CEP76: variants seen among roughly 807,000 people sequenced by gnomAD.
CEP76 encodes the protein centrosomal protein of 76 kDa.
In CEP76, 55 loss-of-function variants were observed where a neutral mutation model predicts 83.3. The ratio of observed to expected loss-of-function variants is 0.66; its 90% CI spans 0.53 to 0.83. The LOEUF is 0.83. CEP76 is among the 40% of genes least tolerant of loss of function. CEP76 has a pLI of 0.00. For missense variants in CEP76, 694 were observed against 799.5 expected (o/e 0.87, Z 1.59); for synonymous variants, 270 against 274.5 (o/e 0.98, Z 0.16).
chr18:12,673,336 C>A lies in CEP76; in HGVS notation c.*29G>T. 1 of 1,571,308 alleles carries A rather than the reference C, an allele frequency of 6.4e-7. No individual in the cohort carries two copies. Among genetic ancestry groups the A allele is most frequent in the Non-Finnish European group, 8.6e-7 (1 of 1,166,314 alleles). On this transcript the variant is annotated 3_prime_UTR_variant, in exon 12 of 12. Transcript: ENST00000262127. ...CAATGTGTAAAATTCCAATTAAACA[C>A]AGGTATAAATCTTATATAAATATTG...
At chr18:12,693,749 C>T (rs1445678901) in intron 6 of CEP76, among the ~76,000 whole-genome samples, 1 of 152,156 alleles carries the variant, frequency 6.6e-6, no homozygotes, top group Non-Finnish European at 1.5e-5. Flanking sequence ...CGCCACTGCA[C>T]TCCAACCTGG....
intron 7 of CEP76, 168 bp from the exon 8 acceptor site, chr18:12,686,618 C>T: frequency 4.0e-6 from 2 of 496,756 alleles, no homozygotes; most frequent in Middle Eastern, 5.6e-4. Flanking sequence ...TTCCCTTAAT[C>T]CTCATCTCCG....
chr18:12,697,386 A>G lies in CEP76; in HGVS notation c.543T>C (p.Asp181=). The change falls in exon 5 of 12, where the codon GAT becomes GAC. Residue 181 remains aspartate (D), a synonymous_variant. Coordinates refer to ENST00000262127, the MANE Select transcript of CEP76 (RefSeq NM_024899.4). ...ESLGDGTRMA[D]STTMLSISDP... is the part of the protein sequence containing the mutation. Reference sequence around the variant, plus strand: ...CACTTATTGATAACATTGTTGTTGAATCAGCCATTCTAGTTCCATCACCTA... The same window carrying G: ...CACTTATTGATAACATTGTTGTTGAGTCAGCCATTCTAGTTCCATCACCTA... 1 of 1,610,938 alleles carries G rather than the reference A, an allele frequency of 6.2e-7. No homozygotes were observed.
In CEP76 at chr18:12,680,842, TAAAATG is replaced by T. The variant is rs778224996; in HGVS notation, c.1123-20_1123-15del. ...TTCACAGTCACCCTGGAAGATAAAT[TAAAATG>T]AAGTATTCATTCTTCCATATTATTT... is the stretch of plus-strand genomic sequence containing the variant. On this transcript the variant is annotated splice_polypyrimidine_tract_variant and intron_variant, in intron 8 of 11. Transcript: ENST00000262127. 7 of 1,594,246 alleles carry T rather than the reference TAAAATG, an allele frequency of 4.4e-6. No individual in the cohort carries two copies. Among genetic ancestry groups the T allele is most frequent in the Non-Finnish European group, 6.0e-6 (7 of 1,170,964 alleles).
intron 8 of CEP76, chr18:12,684,469 C>T (rs1378166267): frequency 1.4e-5 from 2 of 144,740 alleles, no homozygotes; most frequent in African/African-American, 5.1e-5. Context: ...GTCACCCAGG[C>T]TAAAGATAGT....
chr18:12,688,173 G>A (rs1370307896), intron 7 of CEP76, among the ~76,000 whole-genome samples: 1 of 146,662 alleles, frequency 6.8e-6, no homozygotes, highest in African/African-American at 2.5e-5. Flanking sequence ...GGAGCTTGCA[G>A]TGAGCCGAGA....
At chr18:12,672,391 C>T (rs1053951420), downstream of CEP76, among the ~76,000 whole-genome samples, 2 of 152,338 alleles carry the variant, frequency 1.3e-5, no homozygotes, top group South Asian at 2.1e-4. Context: ...GCTGGGATTA[C>T]AGGCATAAAC....
At chr18:12,693,760 C>A (rs189974876) in intron 6 of CEP76, among the ~76,000 whole-genome samples, 3 of 152,026 alleles carry the variant, frequency 2.0e-5, no homozygotes, top group East Asian at 3.9e-4. Flanking sequence ...TCCAACCTGG[C>A]GACAGAGCGA....
chr18:12,665,846 G>A (rs531509303), intron 12 of CEP76, among the ~76,000 whole-genome samples: 4 of 152,166 alleles, frequency 2.6e-5, no homozygotes, highest in Admixed American at 1.3e-4. Flanking sequence ...TACAGATCAC[G>A]CCACCACACC....
In CEP76 at chr18:12,695,284, T is replaced by G; in HGVS notation, c.774A>C (p.Gln258His). Residue 258 changes from glutamine to histidine, a missense_variant, in exon 6 of 12, where the codon CAA (glutamine) becomes CAC (histidine). Transcript: ENST00000262127. Reference sequence around the variant, plus strand: ...TGTTCACTACTTCTTGAGATAACGTTTGATTGAGTGGTGGATACATTTCAA... The same window carrying G: ...TGTTCACTACTTCTTGAGATAACGTGTGATTGAGTGGTGGATACATTTCAA... Reference protein sequence around the residue: ...IKLEMYPPLNQTLSQEVVNTQ... With the variant: ...IKLEMYPPLNHTLSQEVVNTQ... 6.4e-7 allele frequency: 1 copy of G among 1,564,306 alleles called. No individual in the cohort carries two copies. The highest frequency in any genetic ancestry group is 8.8e-7 in the Non-Finnish European group (1 of 1,141,888).
intron 3 of CEP76, among the ~76,000 whole-genome samples, 189 bp from the exon 4 acceptor site, chr18:12,699,392 TATG>T: frequency 6.6e-6 from 1 of 152,232 alleles, no homozygotes; most frequent in Non-Finnish European, 1.5e-5. Context: ...ATACACAAAA[TATG>T]ATATTCTTTT....
chr18:12,671,906 C>T (rs969999175), downstream of CEP76, among the ~76,000 whole-genome samples: 3 of 151,914 alleles, frequency 2.0e-5, no homozygotes, highest in Admixed American at 6.6e-5. Flanking sequence ...TCACAACCTC[C>T]GCCTCCCAGG....
At chr18:12,697,458 G>T in intron 4 of CEP76, 50 bp from the exon 5 acceptor site, 1 of 1,222,024 alleles carries the variant, frequency 8.2e-7, no homozygotes, top group Non-Finnish European at 1.1e-6. Flanking sequence ...ATTCAGTTAG[G>T]CCAACATAAA....
intron 1 of CEP76, 22 bp from the exon 2 acceptor site, chr18:12,701,135 C>T (rs1311596890): frequency 6.3e-7 from 1 of 1,585,062 alleles, no homozygotes; most frequent in Non-Finnish European, 8.6e-7. Context: ...ACTCATATTA[C>T]AATTTATAAC....
chr18:12,678,072 A>C (rs752644871), intron 10 of CEP76, 37 bp downstream of exon 10: 5 of 1,515,072 alleles, frequency 3.3e-6, no homozygotes, highest in Admixed American at 1.7e-5. Context: ...ATAAATGAAA[A>C]GAAGTATGAA....
Position 12,697,282 on chromosome 18 carries a change from C to A in CEP76, c.647G>T (p.Arg216Leu), listed in dbSNP as rs751112066. 1 of 1,613,966 alleles carries A rather than the reference C, an allele frequency of 6.2e-7. No homozygotes were observed. The highest frequency in any genetic ancestry group is 8.5e-7 in the Non-Finnish European group (1 of 1,179,942). The part of the protein sequence containing the change: ...TLVASYFLEW[R>L]SVLGSENGVT... ...TCCATTTTCTGAGCCCAAAACCGAT[C>A]GCCATTCCAGAAAATATGATGCTAC... Residue 216 changes from arginine (R) to leucine (L), a missense_variant, in exon 5 of 12, where the codon CGA (arginine) becomes CTA (leucine). Physicochemically the swap from Arg to Leu is moderately radical, Grantham distance 102. Transcript: ENST00000262127.
chr18:12,664,349 C>T (rs537475011), intron 12 of CEP76, among the ~76,000 whole-genome samples: 1 of 152,036 alleles, frequency 6.6e-6, no homozygotes, highest in African/African-American at 2.4e-5. Context: ...CGAGACCATC[C>T]TGGCTAACAC....
intron 8 of CEP76, 77 bp from the exon 9 acceptor site, chr18:12,680,905 T>C (rs531692559): frequency 1.8e-5 from 23 of 1,310,292 alleles, no homozygotes; most frequent in South Asian, 1.2e-4. Context: ...TAAATTATAA[T>C]AAAAATTTAT....
At chr18:12,701,181 A>AGGG in intron 1 of CEP76, 68 bp from the exon 2 acceptor site, 1 of 1,200,780 alleles carries the variant, frequency 8.3e-7, no homozygotes, top group South Asian at 1.4e-5. Context: ...CTGAAGTTTT[A>AGGG]AGGTTCTCCA....
Sources: gnomAD v4.1 joint callset for allele counts (sites outside exome capture counted in the v4.1 genomes callset) on GRCh38, gnomAD v4.1.1 for gene constraint, MANE v1.5 for transcripts, NCBI Gene and HGNC (gene_info 2026-07-23, HGNC 2026-07-21) for gene names.